Variants in RASGEF1C observed in about 807,000 individuals in gnomAD.
RASGEF1C encodes the protein ras-GEF domain-containing family member 1C.
In RASGEF1C, 27 loss-of-function variants were observed where a neutral mutation model predicts 58.1. That is an observed-to-expected ratio of 0.46 (90% CI 0.34 to 0.64). The LOEUF is 0.64. RASGEF1C is among the 30% of genes least tolerant of loss of function. RASGEF1C has a pLI of 0.01. For missense variants in RASGEF1C, 502 were observed against 605.1 expected, an observed-to-expected ratio of 0.83 and a Z score of 1.79; for synonymous variants, 243 against 246.3, an observed-to-expected ratio of 0.99 and a Z score of 0.13.
rs74444605 is a variant in RASGEF1C at position 180,159,030 on chromosome 5, A to G, written c.-6-20972T>C. On this transcript the variant is annotated intron_variant, in intron 1 of 13. Transcript: ENST00000361132. ...TGCTGATGTATTATTAATTTCTATG[A>G]GGTCTTTTTTTTTGTCCTTTGAATG... Among the ~76,000 whole-genome samples the G allele has an allele frequency of 2.6e-3, 398 of 151,380 alleles. 7 individuals carry two copies. In the East Asian group the frequency reaches 0.049, roughly 19 times the overall value.
chr5:180,208,772 C>A (rs899426345), intron 1 of RASGEF1C, among the ~76,000 whole-genome samples: 1 of 151,792 alleles, frequency 6.6e-6, no homozygotes, highest in African/African-American at 2.4e-5. Flanking sequence ...CAGGGGCTGG[C>A]GGCGCGCGGC....
intron 4 of RASGEF1C, among the ~76,000 whole-genome samples, chr5:180,130,069 C>T (rs541287066): frequency 2.0e-5 from 3 of 152,284 alleles, no homozygotes; most frequent in African/African-American, 7.2e-5. Flanking sequence ...GTGCCCAGAG[C>T]AGGGCTGGGC....
intron 1 of RASGEF1C, among the ~76,000 whole-genome samples, chr5:180,189,923 C>CAAAAAAAAAAA (rs71001085): frequency 4.6e-4 from 17 of 37,200 alleles, no homozygotes; most frequent in East Asian, 1.3e-3. Flanking sequence ...AACTCCATCT[C>CAAAAAAAAAAA]AAAAAAAAAA....
intron 12 of RASGEF1C, among the ~76,000 whole-genome samples, chr5:180,105,533 T>G (rs1224686528): frequency 1.4e-4 from 20 of 143,002 alleles, no homozygotes; most frequent in East Asian, 8.4e-4. Context: ...CTGCACTCCA[T>G]CCTGGGTGAC....
Position 180,168,367 on chromosome 5 carries a change from C to T in RASGEF1C, c.-6-30309G>A, listed in dbSNP as rs62406102. ...AGAATTGCTTGAACCCGGGAGGTGG[C>T]GGTTGCCATGAGCCGAGATGGCGCC... On this transcript the variant is annotated intron_variant, in intron 1 of 13. Transcript: ENST00000361132. This position sits in a 1 kb window ranked among gnomAD's most constrained non-coding sequence, Gnocchi z 6.0. 0.029 allele frequency among the ~76,000 whole-genome samples: 4,483 copies of T among 152,062 alleles called. 110 individuals are homozygous for T. The highest frequency in any genetic ancestry group is 0.065 in the African/African-American group (2,680 of 41,454).
intron 10 of RASGEF1C, among the ~76,000 whole-genome samples, chr5:180,116,137 C>T (rs1036229826): frequency 2.6e-5 from 4 of 152,180 alleles, no homozygotes; most frequent in Admixed American, 6.5e-5. Context: ...GCCATGGCCA[C>T]GCCACTCAAG....
rs567630654 is a variant in RASGEF1C at position 180,194,852 on chromosome 5, C to T, written c.-7+14176G>A. On this transcript the variant is annotated intron_variant, in intron 1 of 13. Transcript: ENST00000361132. Reference sequence around the variant, plus strand: ...CCACGTGCAGTGGCGGTGGCCAGGGCGGTGGAGCGTGCTGAGTGACCTGCT... The same window carrying T: ...CCACGTGCAGTGGCGGTGGCCAGGGTGGTGGAGCGTGCTGAGTGACCTGCT... Among the ~76,000 whole-genome samples, 8 of 152,342 alleles carry T rather than the reference C, an allele frequency of 5.3e-5. No individual in the cohort carries two copies. The East Asian group carries it at 1.5e-3, about 29-fold the overall frequency.
In RASGEF1C at chr5:180,132,132, G is replaced by A. The variant is rs148130097; in HGVS notation, c.439-3522C>T. 2.1e-3 allele frequency among the ~76,000 whole-genome samples: 321 copies of A among 152,312 alleles called. 1 individual carries two copies. Among genetic ancestry groups the A allele is most frequent in the African/African-American group, 7.0e-3 (293 of 41,580 alleles). The stretch of plus-strand genomic sequence containing the variant: ...CCCCTCGTCACTATCGTGGGTCCAT[G>A]TTTATGAAGCACCAGGCCGTGCTGG... On this transcript the variant is annotated intron_variant, in intron 4 of 13. Transcript: ENST00000361132.
chr5:180,134,543 A>G (rs1375619011), intron 4 of RASGEF1C, among the ~76,000 whole-genome samples: 1 of 150,084 alleles, frequency 6.7e-6, no homozygotes, highest in Non-Finnish European at 1.5e-5. Flanking sequence ...AGCACCCACC[A>G]TCCCCACACT....
Position 180,128,509 on chromosome 5 carries a change from G to A in RASGEF1C, c.540C>T (p.Ile180=), listed in dbSNP as rs200583000. The change falls in exon 5 of 14, where the codon ATC becomes ATT. Residue 180 remains isoleucine, a synonymous_variant. Coordinates refer to ENST00000361132, the MANE Select transcript of RASGEF1C (RefSeq NM_175062.4). The stretch of plus-strand genomic sequence containing the variant: ...AGGCTGGTGGCTTGGTCCTGTAGGA[G>A]ATGGGCTTGTCGGCACCCACCAGAC... ...PEGLVGADKP[I]SYRTKPPASI... 6 of 1,614,176 alleles carry A rather than the reference G, an allele frequency of 3.7e-6. No individual in the cohort carries two copies. The African/African-American group carries it at 8.0e-5, about 22-fold the overall frequency.
At chr5:180,148,557 C>T (rs1274918372) in intron 1 of RASGEF1C, among the ~76,000 whole-genome samples, 1 of 152,144 alleles carries the variant, frequency 6.6e-6, no homozygotes, top group African/African-American at 2.4e-5. Context: ...AAAGTTACAA[C>T]ACTCTAATTT....
chr5:180,181,320 AAG>A (rs1561753720), intron 1 of RASGEF1C, among the ~76,000 whole-genome samples: 1 of 152,262 alleles, frequency 6.6e-6, no homozygotes, highest in African/African-American at 2.4e-5. Flanking sequence ...ATATGTGGAA[AAG>A]AGATGTATGA....
rs183207378 is a variant in RASGEF1C, at chr5:180,192,806, G to A, written c.-7+16222C>T. 7.3e-3 allele frequency among the ~76,000 whole-genome samples: 1,101 copies of A among 150,400 alleles called. 7 individuals are homozygous for A. Among genetic ancestry groups the A allele is most frequent in the Non-Finnish European group, 0.011 (767 of 67,686 alleles). On this transcript the variant is annotated intron_variant, in intron 1 of 13. Coordinates refer to ENST00000361132, the MANE Select transcript of RASGEF1C (RefSeq NM_175062.4). ...GTTGCCCAGGCTGGAGTGCAGTGTC[G>A]CAATCTCGGCTCACTGCAAGCTCCG...
intron 1 of RASGEF1C, among the ~76,000 whole-genome samples, chr5:180,191,811 A>C (rs1353293311): frequency 6.6e-6 from 1 of 152,192 alleles, no homozygotes; most frequent in Non-Finnish European, 1.5e-5. Context: ...CTAGTTCCTA[A>C]GGCTCAGGAT....
At chr5:180,138,337 G>C (rs1437724418) in intron 1 of RASGEF1C, 3 of 338,900 alleles carry the variant, frequency 8.9e-6, no homozygotes, top group Non-Finnish European at 1.6e-5. Flanking sequence ...GCCTCTTCTA[G>C]ATTCTTCCCC....
intron 5 of RASGEF1C, 74 bp from the exon 6 acceptor site, chr5:180,127,757 G>C: frequency 2.1e-6 from 3 of 1,412,790 alleles, no homozygotes; most frequent in Non-Finnish European, 2.9e-6. Context: ...GGCCTGCCGT[G>C]GTGCCCCAGC....
chr5:180,109,985 G>C (rs1054503459), intron 12 of RASGEF1C, among the ~76,000 whole-genome samples: 2 of 152,170 alleles, frequency 1.3e-5, no homozygotes, highest in African/African-American at 2.4e-5. Context: ...AGTGTGTAAG[G>C]ATAAATCTGT....
At chr5:180,149,296 C>T (rs944855707) in intron 1 of RASGEF1C, among the ~76,000 whole-genome samples, 2 of 150,894 alleles carry the variant, frequency 1.3e-5, no homozygotes, top group African/African-American at 2.4e-5. Context: ...CCATGTTGGC[C>T]AGGATGGTCT....
chr5:180,164,762 G>A (rs924341082), intron 1 of RASGEF1C, among the ~76,000 whole-genome samples: 2 of 152,176 alleles, frequency 1.3e-5, no homozygotes, highest in Admixed American at 6.5e-5. Context: ...TTCTGCTGTG[G>A]TTGGGTAAAG....
Sources: allele counts gnomAD v4.1 joint callset (sites outside exome capture counted in the v4.1 genomes callset), GRCh38; gene constraint gnomAD v4.1.1; non-coding constraint Gnocchi (gnomAD v3.1); transcripts MANE v1.5; gene names NCBI Gene and HGNC (gene_info 2026-07-23, HGNC 2026-07-21).